The following SH3RF3 variants were observed in gnomAD, a reference collection of about 807,000 sequenced individuals.
SH3RF3 encodes the protein SH3 domain containing ring finger 3.
SH3RF3 carries 29 observed loss-of-function variants against 66.3 expected under a neutral mutation model. The ratio of observed to expected loss-of-function variants is 0.44; its 90% CI spans 0.33 to 0.60. The LOEUF (loss-of-function observed/expected upper bound fraction) is 0.60, where lower values mean the gene tolerates loss of function less well. Ranked by LOEUF, SH3RF3 falls within the 20% of genes least tolerant of loss-of-function variation. The pLI is 0.04. For synonymous variants in SH3RF3, 583 were observed against 532.0 expected (o/e 1.10, Z -1.32); for missense variants, 1,194 against 1,190.9 (o/e 1.00, Z -0.04).
intron 1 of SH3RF3, among the ~76,000 whole-genome samples, chr2:109,132,462 C>T (rs538474581): frequency 3.3e-5 from 5 of 152,302 alleles, no homozygotes; most frequent in Admixed American, 2.6e-4. Context: ...AGTCCCCTGA[C>T]GTGGTTAGCA....
chr2:109,243,391 G>A (rs762133790), intron 1 of SH3RF3, among the ~76,000 whole-genome samples: 25 of 152,240 alleles, frequency 1.6e-4, no homozygotes, highest in Non-Finnish European at 3.2e-4. Context: ...GGCACATGCT[G>A]GAGTGCCTGT....
At chr2:109,466,207 C>T (rs536976027) in intron 8 of SH3RF3, among the ~76,000 whole-genome samples, 13 of 151,780 alleles carry the variant, frequency 8.6e-5, no homozygotes, top group East Asian at 7.8e-4. Context: ...CTCAGCCTCC[C>T]GAGTAGCTGG....
In SH3RF3 at chr2:109,244,544, T is replaced by C. The variant is rs541015428; in HGVS notation, c.574-103130T>C. Among the ~76,000 whole-genome samples, 269 of 152,328 alleles carry C rather than the reference T, an allele frequency of 1.8e-3. 1 individual carries two copies. The highest frequency in any genetic ancestry group is 2.4e-3 in the Non-Finnish European group (162 of 68,032). On this transcript the variant is annotated intron_variant, in intron 1 of 9. Transcript: ENST00000309415. ...TATAGGGCCCTAAGCTGTTTGGAAC[T>C]GTTTTTAAGATGAGAGCTGTTCCAC...
intron 1 of SH3RF3, among the ~76,000 whole-genome samples, chr2:109,334,847 C>T (rs1002754884): frequency 6.6e-6 from 1 of 152,212 alleles, no homozygotes; most frequent in Non-Finnish European, 1.5e-5. Context: ...GTAGCACTTC[C>T]AGGACAGGTG....
chr2:109,415,858 C>T (rs1348074384), intron 4 of SH3RF3, among the ~76,000 whole-genome samples: 6 of 152,192 alleles, frequency 3.9e-5, no homozygotes, highest in Non-Finnish European at 8.8e-5. Flanking sequence ...TTTAATCCCC[C>T]AGGCGCAGCA....
chr2:109,385,260 T>C (rs1379452261), intron 3 of SH3RF3, among the ~76,000 whole-genome samples: 6 of 152,154 alleles, frequency 3.9e-5, no homozygotes, highest in Admixed American at 3.9e-4. Flanking sequence ...ATTGGAGACA[T>C]AGTGAAGTGC....
At chr2:109,422,015 C>G (rs1234042595) in intron 5 of SH3RF3, among the ~76,000 whole-genome samples, 2 of 152,224 alleles carry the variant, frequency 1.3e-5, no homozygotes, top group Non-Finnish European at 2.9e-5. Context: ...GGGGATTAGC[C>G]TGACTGCTCA....
intron 1 of SH3RF3, among the ~76,000 whole-genome samples, chr2:109,177,922 GA>G (rs1328566558): frequency 6.6e-6 from 1 of 152,178 alleles, no homozygotes. Flanking sequence ...CATTAAACTG[GA>G]AGTTTCTAGC....
intron 3 of SH3RF3, among the ~76,000 whole-genome samples, chr2:109,375,605 C>A (rs1283238323): frequency 6.6e-6 from 1 of 152,232 alleles, no homozygotes; most frequent in African/African-American, 2.4e-5. Context: ...TGAGGATGAG[C>A]CAGTCTGAGG....
intron 3 of SH3RF3, among the ~76,000 whole-genome samples, chr2:109,373,488 A>C (rs1443388018): frequency 1.3e-5 from 2 of 152,230 alleles, no homozygotes; most frequent in Non-Finnish European, 2.9e-5. Flanking sequence ...ATGTGAACAA[A>C]AGAGTAATGG....
chr2:109,359,410 A>G (rs981842241), intron 2 of SH3RF3, among the ~76,000 whole-genome samples: 8 of 152,138 alleles, frequency 5.3e-5, no homozygotes, highest in African/African-American at 1.9e-4. Context: ...TGAACATGAA[A>G]TATCTATTTG....
chr2:109,312,443 G>A (rs910578334), intron 1 of SH3RF3, among the ~76,000 whole-genome samples: 8 of 152,086 alleles, frequency 5.3e-5, no homozygotes, highest in East Asian at 1.9e-4. Context: ...TGTTTCGACC[G>A]TCAGCACTGT....
chr2:109,249,520 T>TCTTTCTTTC (rs55642247), intron 1 of SH3RF3, among the ~76,000 whole-genome samples: 3 of 5,210 alleles, frequency 5.8e-4, no homozygotes, highest in Non-Finnish European at 1.1e-3. Context: ...ATTCTTTCTT[T>TCTTTCTTTC]TTCTTTCTTT....
chr2:109,356,961 C>A (rs1428797095), intron 2 of SH3RF3, among the ~76,000 whole-genome samples: 4 of 152,208 alleles, frequency 2.6e-5, no homozygotes, highest in Non-Finnish European at 5.9e-5. Context: ...TGGTCCACTT[C>A]TGCAGCACAG....
chr2:109,363,529 A>G (rs925782873), intron 2 of SH3RF3, among the ~76,000 whole-genome samples: 1 of 152,170 alleles, frequency 6.6e-6, no homozygotes, highest in Non-Finnish European at 1.5e-5. Context: ...TAAAAGTTTT[A>G]AGTTTACTGC....
chr2:109,153,387 G>A (rs1677266340), intron 1 of SH3RF3, among the ~76,000 whole-genome samples: 1 of 152,116 alleles, frequency 6.6e-6, no homozygotes, highest in African/African-American at 2.4e-5. Flanking sequence ...CTGAGGTTTG[G>A]AAAGGCAATT....
At chr2:109,467,978 C>A (rs1678403033) in intron 8 of SH3RF3, among the ~76,000 whole-genome samples, 1 of 152,238 alleles carries the variant, frequency 6.6e-6, no homozygotes, top group African/African-American at 2.4e-5. Flanking sequence ...GGCAGAGAGA[C>A]CCTGGAGGAC....
intron 2 of SH3RF3, among the ~76,000 whole-genome samples, chr2:109,356,040 C>T (rs769579953): frequency 2.0e-5 from 3 of 152,196 alleles, no homozygotes; most frequent in African/African-American, 4.8e-5. Context: ...TAACATGCTA[C>T]AGTGAATGTT....
intron 1 of SH3RF3, among the ~76,000 whole-genome samples, chr2:109,242,421 G>A (rs1279734554): frequency 2.0e-5 from 3 of 152,168 alleles, no homozygotes; most frequent in Non-Finnish European, 4.4e-5. Context: ...AGAGCAGCCC[G>A]TGCCTAGAGT....
Sources: allele counts gnomAD v4.1 joint callset (sites outside exome capture counted in the v4.1 genomes callset), GRCh38; gene constraint gnomAD v4.1.1; transcripts MANE v1.5; gene names NCBI Gene and HGNC (gene_info 2026-07-23, HGNC 2026-07-21).